Variants in NAALADL2 observed in about 807,000 individuals in gnomAD.
NAALADL2 encodes inactive N-acetylated-alpha-linked acidic dipeptidase-like protein 2.
A neutral mutation model predicts 87.2 loss-of-function variants in NAALADL2; 76 were observed. The observed-to-expected ratio is 0.87, with a 90% CI of 0.72 to 1.05. The LOEUF is 1.05. NAALADL2 is among the 50% of genes least tolerant of loss of function. The pLI, the probability that NAALADL2 is intolerant of heterozygous loss-of-function variation, is 0.00. For missense variants in NAALADL2, 1,089 were observed against 945.8 expected, an observed-to-expected ratio of 1.15 and a Z score of -1.99; for synonymous variants, 354 against 331.0, an observed-to-expected ratio of 1.07 and a Z score of -0.75.
At chr3:175,272,975 C>T (rs11714315) in intron 4 of NAALADL2, among the ~76,000 whole-genome samples, 24,435 of 151,862 alleles carry the variant, frequency 0.16, 2,332 homozygotes, top group Non-Finnish European at 0.22. Context: ...TGCAGATAAA[C>T]TACAAATCAA....
chr3:174,829,663 C>T (rs112957352), intron 3 of NAALADL2, among the ~76,000 whole-genome samples: 5,537 of 121,024 alleles, frequency 0.046, 170 homozygotes, highest in African/African-American at 0.12. Flanking sequence ...ATGGTATTTC[C>T]AGTTCTAGAT....
intron 1 of NAALADL2, among the ~76,000 whole-genome samples, chr3:174,868,395 A>C (rs1278221657): frequency 6.6e-6 from 1 of 152,130 alleles, no homozygotes; most frequent in African/African-American, 2.4e-5. Flanking sequence ...GTAATTGTGA[A>C]AATTAAAAAC....
rs144919042 is a variant in NAALADL2 at position 174,681,365 on chromosome 3, C to A, written c.-114-56276C>A. ...CCTAGTGAGACGTCAGCTGGGGTGG[C>A]CAAGAGAGTGCTTGTACTAACTCAC... is the stretch of plus-strand genomic sequence containing the variant. On this transcript the variant is annotated intron_variant, in intron 2 of 3. Transcript: ENST00000434257. Among the ~76,000 whole-genome samples the A allele has an allele frequency of 5.3e-4, 81 of 152,206 alleles. No homozygotes were observed. The East Asian group carries it at 0.015, about 28-fold the overall frequency.
At chr3:175,187,818 ATG>A (rs1737572521) in intron 2 of NAALADL2, among the ~76,000 whole-genome samples, 1 of 152,190 alleles carries the variant, frequency 6.6e-6, no homozygotes, top group South Asian at 2.1e-4. Context: ...TCTAAGTGCA[ATG>A]AAGTGACTAT....
At chr3:175,223,768 G>A (rs148652541) in intron 2 of NAALADL2, among the ~76,000 whole-genome samples, 1 of 152,252 alleles carries the variant, frequency 6.6e-6, no homozygotes, top group African/African-American at 2.4e-5. Context: ...ACCATAAAAT[G>A]AAGCTAAGTT....
chr3:174,605,488 T>G (rs1404013628), intron 2 of NAALADL2, among the ~76,000 whole-genome samples: 3 of 152,184 alleles, frequency 2.0e-5, no homozygotes, highest in South Asian at 4.1e-4. Flanking sequence ...TCCGATGGGC[T>G]TAAAAAACGG....
intron 2 of NAALADL2, among the ~76,000 whole-genome samples, chr3:174,658,420 T>C (rs1179560731): frequency 6.6e-6 from 1 of 152,220 alleles, no homozygotes; most frequent in African/African-American, 2.4e-5. Flanking sequence ...GTCTCTTCTT[T>C]GGTGAGGTGT....
chr3:174,827,701 T>C (rs1722158503), intron 3 of NAALADL2, among the ~76,000 whole-genome samples: 1 of 152,214 alleles, frequency 6.6e-6, no homozygotes, highest in Non-Finnish European at 1.5e-5. Context: ...TAGGAGTCGT[T>C]ATACAGCCTA....
At chr3:175,446,449 C>A (rs544711772) in intron 5 of NAALADL2, among the ~76,000 whole-genome samples, 19 of 152,268 alleles carry the variant, frequency 1.2e-4, no homozygotes, top group African/African-American at 4.6e-4. Flanking sequence ...ACCTTATTGG[C>A]CAGGCTAGTC....
chr3:175,700,914 G>A (rs537137800), intron 11 of NAALADL2, among the ~76,000 whole-genome samples: 5 of 152,208 alleles, frequency 3.3e-5, no homozygotes, highest in Admixed American at 2.6e-4. Flanking sequence ...CATTAGAGAG[G>A]AACCATCAAG....
intron 11 of NAALADL2, among the ~76,000 whole-genome samples, chr3:175,728,906 A>C (rs1743293979): frequency 6.6e-6 from 1 of 152,108 alleles, no homozygotes. Flanking sequence ...TGTTTCTCTA[A>C]AAAATCTTGT....
chr3:175,082,009 T>C (rs889986746), intron 1 of NAALADL2, among the ~76,000 whole-genome samples: 1 of 151,828 alleles, frequency 6.6e-6, no homozygotes, highest in African/African-American at 2.4e-5. Context: ...ATAACCACTG[T>C]CATTCTCTCT....
intron 9 of NAALADL2, among the ~76,000 whole-genome samples, chr3:175,568,340 GCA>G (rs1717538824): frequency 6.6e-6 from 1 of 152,014 alleles, no homozygotes; most frequent in South Asian, 2.1e-4. Context: ...AGAATACATG[GCA>G]CACACAGTAA....
At chr3:174,860,664 G>A (rs1294886069) in intron 1 of NAALADL2, among the ~76,000 whole-genome samples, 7 of 151,958 alleles carry the variant, frequency 4.6e-5, no homozygotes, top group African/African-American at 1.4e-4. Flanking sequence ...CCTATTCTAG[G>A]CTGTGTGGGT....
intron 1 of NAALADL2, among the ~76,000 whole-genome samples, chr3:174,965,706 C>T (rs558079675): frequency 1.3e-5 from 2 of 151,892 alleles, no homozygotes; most frequent in African/African-American, 4.8e-5. Flanking sequence ...GGGAAAGGAT[C>T]GATATAAAAA....
chr3:174,584,556 T>G (rs771491713), intron 2 of NAALADL2, among the ~76,000 whole-genome samples: 8 of 152,172 alleles, frequency 5.3e-5, no homozygotes, highest in Non-Finnish European at 1.2e-4. Flanking sequence ...ATGTGAAAAT[T>G]TATTTTTCTT....
chr3:174,984,071 T>C (rs1333826714), intron 1 of NAALADL2, among the ~76,000 whole-genome samples: 2 of 152,196 alleles, frequency 1.3e-5, no homozygotes, highest in South Asian at 2.1e-4. Context: ...ACAATGATTA[T>C]GATTAGTAAA....
chr3:174,661,567 C>T (rs1009752832), intron 2 of NAALADL2, among the ~76,000 whole-genome samples: 1 of 152,032 alleles, frequency 6.6e-6, no homozygotes, highest in Non-Finnish European at 1.5e-5. Context: ...CTTCTTTCTT[C>T]GTCTGTCTTC....
intron 3 of NAALADL2, among the ~76,000 whole-genome samples, chr3:174,760,033 T>A (rs1712707570): frequency 6.6e-6 from 1 of 152,232 alleles, no homozygotes; most frequent in South Asian, 2.1e-4. Context: ...TGTTTCACAG[T>A]ACACAGAACA....
Sources: gnomAD v4.1 joint callset for allele counts (sites outside exome capture counted in the v4.1 genomes callset) on GRCh38, gnomAD v4.1.1 for gene constraint, MANE v1.5 for transcripts, NCBI Gene and HGNC (gene_info 2026-07-23, HGNC 2026-07-21) for gene names.